Variants in HS6ST3 observed in about 807,000 individuals in gnomAD.
HS6ST3 encodes the protein heparan sulfate 6-O-sulfotransferase 3, also known as heparan-sulfate 6-O-sulfotransferase 3.
Under a neutral mutation model 36.7 loss-of-function variants are expected in HS6ST3, and 12 were observed. That is an observed-to-expected ratio of 0.33 (90% CI 0.21 to 0.53). HS6ST3 has a LOEUF of 0.53. Among genes scored for constraint, HS6ST3 ranks in the 20% least tolerant of loss-of-function variants. HS6ST3 has a pLI of 0.95. For synonymous variants in HS6ST3, 240 were observed against 257.5 expected, an observed-to-expected ratio of 0.93 and a Z score of 0.65; for missense variants, 584 against 640.9, an observed-to-expected ratio of 0.91 and a Z score of 0.96.
intron 1 of HS6ST3, among the ~76,000 whole-genome samples, chr13:96,163,285 A>T (rs1008854545): frequency 1.5e-5 from 2 of 129,384 alleles, no homozygotes; most frequent in Non-Finnish European, 3.1e-5. Flanking sequence ...GCTGGAGTGC[A>T]GTGGTGCCAT....
At chr13:96,215,373 A>G (rs1434650152) in intron 1 of HS6ST3, among the ~76,000 whole-genome samples, 1 of 152,228 alleles carries the variant, frequency 6.6e-6, no homozygotes, top group African/African-American at 2.4e-5. Flanking sequence ...TGGTCATTCC[A>G]TTAAATTGAA....
At chr13:96,621,870 G>A (rs1429661996) in intron 1 of HS6ST3, among the ~76,000 whole-genome samples, 2 of 152,174 alleles carry the variant, frequency 1.3e-5, no homozygotes, top group African/African-American at 2.4e-5. Flanking sequence ...CATACCAGGG[G>A]AATTGTGAGG....
intron 1 of HS6ST3, among the ~76,000 whole-genome samples, chr13:96,196,827 T>C (rs1230807780): frequency 6.6e-6 from 1 of 152,254 alleles, no homozygotes; most frequent in Non-Finnish European, 1.5e-5. Flanking sequence ...CTACTGATAT[T>C]GCCATAGGGC....
At chr13:96,752,376 G>C (rs1876722527) in intron 1 of HS6ST3, among the ~76,000 whole-genome samples, 1 of 152,078 alleles carries the variant, frequency 6.6e-6, no homozygotes, top group Non-Finnish European at 1.5e-5. Context: ...GGTGTACAAG[G>C]TAACGTCAAA....
intron 1 of HS6ST3, among the ~76,000 whole-genome samples, chr13:96,154,371 G>A (rs1179419171): frequency 6.6e-6 from 1 of 152,048 alleles, no homozygotes. Context: ...TAACAGATAG[G>A]TAAGTTTCAG....
At chr13:96,206,895 A>T (rs1288336102) in intron 1 of HS6ST3, among the ~76,000 whole-genome samples, 1 of 152,210 alleles carries the variant, frequency 6.6e-6, no homozygotes, top group Non-Finnish European at 1.5e-5. Context: ...GGACATAGGC[A>T]TGGGCAAAGA....
intron 1 of HS6ST3, among the ~76,000 whole-genome samples, chr13:96,721,726 G>A (rs1399380591): frequency 6.6e-6 from 1 of 152,152 alleles, no homozygotes; most frequent in African/African-American, 2.4e-5. Context: ...GACTGTTTAA[G>A]ATAGCATTGT....
At chr13:96,733,566 A>T (rs1876211465) in intron 1 of HS6ST3, among the ~76,000 whole-genome samples, 2 of 152,220 alleles carry the variant, frequency 1.3e-5, no homozygotes, top group East Asian at 1.9e-4. Flanking sequence ...AGCAATCAAG[A>T]CACGTAAACA....
intron 1 of HS6ST3, among the ~76,000 whole-genome samples, chr13:96,196,653 G>A (rs1029242444): frequency 9.8e-5 from 15 of 152,330 alleles, no homozygotes; most frequent in African/African-American, 3.6e-4. Context: ...GGCTTAAGAA[G>A]ACATGGGTGT....
intron 1 of HS6ST3, among the ~76,000 whole-genome samples, chr13:96,543,842 A>C (rs1404217096): frequency 6.6e-6 from 1 of 152,130 alleles, no homozygotes; most frequent in Non-Finnish European, 1.5e-5. Flanking sequence ...CTTATGACCT[A>C]TTAATAATGT....
chr13:96,463,693 G>A (rs2055796667), intron 1 of HS6ST3, among the ~76,000 whole-genome samples: 1 of 151,888 alleles, frequency 6.6e-6, no homozygotes. Flanking sequence ...ACATACAGCT[G>A]GGAAATAACT....
intron 1 of HS6ST3, among the ~76,000 whole-genome samples, chr13:96,381,424 ATCTATCT>A (rs2055341030): frequency 6.6e-6 from 1 of 151,392 alleles, no homozygotes; most frequent in Non-Finnish European, 1.5e-5. Context: ...CTATCTATCT[ATCTATCT>A]ATCTATCACT....
Position 96,591,660 on chromosome 13 carries a change from C to A in HS6ST3, c.708-240830C>A, listed in dbSNP as rs78468139. 6.7e-3 allele frequency among the ~76,000 whole-genome samples: 1,017 copies of A among 152,226 alleles called. 14 individuals are homozygous for A. Among genetic ancestry groups the A allele is most frequent in the African/African-American group, 0.024 (977 of 41,554 alleles). On this transcript the variant is annotated intron_variant, in intron 1 of 1. Coordinates refer to ENST00000376705, the MANE Select transcript of HS6ST3 (RefSeq NM_153456.4). ...TCTGCACACAAGGACAATTTGACTT[C>A]TTTCTTTCCAAACTGGATGCCCTTT...
chr13:96,556,603 G>T (rs2056241782), intron 1 of HS6ST3, among the ~76,000 whole-genome samples: 2 of 152,208 alleles, frequency 1.3e-5, no homozygotes, highest in South Asian at 2.1e-4. Flanking sequence ...CATTAAAAAA[G>T]AAATCCTGTT....
At chr13:96,422,378 A>G (rs1027243499) in intron 1 of HS6ST3, among the ~76,000 whole-genome samples, 4 of 152,218 alleles carry the variant, frequency 2.6e-5, no homozygotes, top group Non-Finnish European at 4.4e-5. Context: ...GCAGCTTCAG[A>G]GTTCTCCAAG....
intron 1 of HS6ST3, among the ~76,000 whole-genome samples, chr13:96,135,280 G>C (rs147926391): frequency 1.3e-5 from 2 of 152,108 alleles, no homozygotes; most frequent in African/African-American, 4.8e-5. Context: ...AGTTATCACC[G>C]TGGACTTTCT....
At chr13:96,682,480 G>C (rs985194346) in intron 1 of HS6ST3, among the ~76,000 whole-genome samples, 1 of 152,072 alleles carries the variant, frequency 6.6e-6, no homozygotes, top group Non-Finnish European at 1.5e-5. Context: ...AATTATCACA[G>C]GAGCTCTGGC....
intron 1 of HS6ST3, among the ~76,000 whole-genome samples, chr13:96,229,572 T>C (rs750230356): frequency 6.6e-5 from 10 of 152,192 alleles, no homozygotes; most frequent in Middle Eastern, 3.2e-3. Context: ...AATGCTACCA[T>C]GAAGATTCCA....
intron 1 of HS6ST3, among the ~76,000 whole-genome samples, chr13:96,328,541 A>G (rs1269004704): frequency 1.3e-5 from 2 of 151,952 alleles, no homozygotes; most frequent in African/African-American, 2.4e-5. Flanking sequence ...CCACTTGATC[A>G]TGGTGGATGA....
Sources: allele counts gnomAD v4.1 joint callset (sites outside exome capture counted in the v4.1 genomes callset), GRCh38; gene constraint gnomAD v4.1.1; transcripts MANE v1.5; gene names NCBI Gene and HGNC (gene_info 2026-07-23, HGNC 2026-07-21).